The following EDN1 variants were observed in gnomAD, a reference collection of about 807,000 sequenced individuals.
EDN1 encodes the protein endothelin-1.
In EDN1, 11 loss-of-function variants were observed where a neutral mutation model predicts 21.7. The ratio of observed to expected loss-of-function variants is 0.51; its 90% CI spans 0.32 to 0.84. The LOEUF is 0.84. Ranked by LOEUF, EDN1 falls within the 40% of genes least tolerant of loss-of-function variation. EDN1 has a pLI of 0.03. For missense variants in EDN1, 244 were observed against 262.3 expected, an observed-to-expected ratio of 0.93 and a Z score of 0.48; for synonymous variants, 85 against 90.6, an observed-to-expected ratio of 0.94 and a Z score of 0.35.
At chr6:12,268,875 T>C in the EDN1 span, among the ~76,000 whole-genome samples, 3 of 152,116 alleles carry the variant, frequency 2.0e-5, no homozygotes, top group Non-Finnish European at 4.4e-5. Context: ...AAAAATATCA[T>C]TGGTATTTTG....
At chr6:12,266,948 C>T in the EDN1 span, among the ~76,000 whole-genome samples, 6 of 152,068 alleles carry the variant, frequency 3.9e-5, no homozygotes, top group Non-Finnish European at 8.8e-5. Flanking sequence ...CATGAATCAC[C>T]TGGATGATTT....
chr6:12,262,513 G>C, the EDN1 span, among the ~76,000 whole-genome samples: 1 of 152,182 alleles, frequency 6.6e-6, no homozygotes, highest in South Asian at 2.1e-4. Flanking sequence ...GGAAGAGTGA[G>C]AGTAAATTAG....
chr6:12,256,556 C>A, the EDN1 span, among the ~76,000 whole-genome samples: 1 of 152,130 alleles, frequency 6.6e-6, no homozygotes, highest in Non-Finnish European at 1.5e-5. Flanking sequence ...AAGGTGCATC[C>A]GTCTGTGACC....
At chr6:12,258,424 T>C in the EDN1 span, among the ~76,000 whole-genome samples, 3 of 128,308 alleles carry the variant, frequency 2.3e-5, no homozygotes, top group East Asian at 6.5e-4. Context: ...CATTCCAGCC[T>C]GGGTTTCGGA....
chr6:12,273,604 C>CTTTTTT, the EDN1 span, among the ~76,000 whole-genome samples: 3 of 83,348 alleles, frequency 3.6e-5, no homozygotes, highest in African/African-American at 5.1e-5. Flanking sequence ...GTAGGCAGGA[C>CTTTTTT]TTTTTTTTTT....
At chr6:12,244,721 T>C in the EDN1 span, among the ~76,000 whole-genome samples, 1 of 152,310 alleles carries the variant, frequency 6.6e-6, no homozygotes, top group East Asian at 1.9e-4. Flanking sequence ...AATGTCAACA[T>C]GGTAAAGAAG....
At chr6:12,259,664 A>G in the EDN1 span, among the ~76,000 whole-genome samples, 13 of 152,050 alleles carry the variant, frequency 8.5e-5, no homozygotes, top group East Asian at 1.9e-4. Context: ...ACAAAGTAAC[A>G]TTAAGTAAAA....
the EDN1 span, among the ~76,000 whole-genome samples, chr6:12,284,653 G>T: frequency 7.0e-6 from 1 of 142,500 alleles, no homozygotes; most frequent in East Asian, 2.1e-4. Flanking sequence ...AAAAAGAAAG[G>T]GAGAAAGAAA....
the EDN1 span, among the ~76,000 whole-genome samples, chr6:12,273,425 TTAA>T: frequency 3.3e-5 from 5 of 152,150 alleles, no homozygotes; most frequent in East Asian, 7.7e-4. Flanking sequence ...CTTAAAAATT[TTAA>T]TAAGGCAATG....
chr6:12,287,497 G>A (rs1439878144), upstream of EDN1, among the ~76,000 whole-genome samples: 1 of 152,052 alleles, frequency 6.6e-6, no homozygotes, highest in Non-Finnish European at 1.5e-5. Flanking sequence ...GCCTGGCAGT[G>A]CCCTAGCTGC....
the EDN1 span, among the ~76,000 whole-genome samples, chr6:12,281,530 A>AGTGCGGGGAAAGGCAGAGAGAGGCTAC: frequency 1.3e-5 from 2 of 152,250 alleles, no homozygotes. Context: ...AGAGAGGCTA[A>AGTGCGGGGAAAGGCAGAGAGAGGCTAC]GTGCCTTGAC....
At position 12,296,263 on chromosome 6, in the gene EDN1, A is replaced by C. The variant is rs1289600982; in HGVS notation, c.*196A>C. 1.0e-5 allele frequency: 6 copies of C among 578,014 alleles called. No homozygotes were observed. The Admixed American group carries it at 1.6e-4, about 15-fold the overall frequency. 35.8% of individuals were successfully genotyped at this position (578,014 alleles called of 1,614,324 possible). The stretch of plus-strand genomic sequence containing the variant: ...CCAACCATCTTCACTGGCTTCCATC[A>C]GTGGTAACTGCTTTGGTCTCTTCTT... On this transcript the variant is annotated 3_prime_UTR_variant, in exon 5 of 5. Transcript: ENST00000379375.
chr6:12,290,938 T>G (rs1163092736), intron 1 of EDN1, among the ~76,000 whole-genome samples: 1 of 152,172 alleles, frequency 6.6e-6, no homozygotes, highest in Non-Finnish European at 1.5e-5. Flanking sequence ...ATCGTTTTAT[T>G]ATTATTATTC....
At chr6:12,285,380 T>G (rs957371898), upstream of EDN1, among the ~76,000 whole-genome samples, 2 of 152,144 alleles carry the variant, frequency 1.3e-5, no homozygotes, top group Non-Finnish European at 2.9e-5. Context: ...TTGAGATGCA[T>G]CTGTAGGAGC....
At chr6:12,234,570 A>G in the EDN1 span, among the ~76,000 whole-genome samples, 1 of 152,224 alleles carries the variant, frequency 6.6e-6, no homozygotes, top group Non-Finnish European at 1.5e-5. Flanking sequence ...TTGGAAGTCA[A>G]GTCTTTCTGA....
At chr6:12,270,977 AC>A in the EDN1 span, among the ~76,000 whole-genome samples, 6 of 152,170 alleles carry the variant, frequency 3.9e-5, no homozygotes, top group Non-Finnish European at 2.9e-5. Context: ...ACATATATTT[AC>A]AATTGTCATA....
At chr6:12,295,285 G>T (rs1762795434) in intron 4 of EDN1, among the ~76,000 whole-genome samples, 1 of 152,070 alleles carries the variant, frequency 6.6e-6, no homozygotes, top group East Asian at 1.9e-4. Context: ...CTACTGATTT[G>T]TGGGGCAGCC....
the EDN1 span, among the ~76,000 whole-genome samples, chr6:12,247,969 C>T: frequency 6.6e-6 from 1 of 152,004 alleles, no homozygotes; most frequent in African/African-American, 2.4e-5. Flanking sequence ...TAAATAAAGT[C>T]ATAAGGTTAG....
At position 12,290,427 on chromosome 6, in the gene EDN1, G is replaced by A; in HGVS notation, c.-203G>A. On this transcript the variant is annotated 5_prime_UTR_variant, in exon 1 of 5. Coordinates refer to ENST00000379375, the MANE Select transcript of EDN1 (RefSeq NM_001955.5). ...CCTCCTGCAGTCCCAGCTCTCCACC[G>A]CCGCGTGCGCCTGCAGACGCTCCGC... 1 of 594,188 alleles carries A rather than the reference G, an allele frequency of 1.7e-6. No individual in the cohort carries two copies. The highest frequency in any genetic ancestry group is 3.0e-6 in the Non-Finnish European group (1 of 334,616). 36.8% of individuals were successfully genotyped at this position (594,188 alleles called of 1,614,324 possible). A position where few individuals can be genotyped will look rare whatever the true frequency, so the allele number is the denominator to read the frequency against.
Sources: allele counts gnomAD v4.1 joint callset (sites outside exome capture counted in the v4.1 genomes callset), GRCh38; gene constraint gnomAD v4.1.1; transcripts MANE v1.5; gene names NCBI Gene and HGNC (gene_info 2026-07-23, HGNC 2026-07-21).